The following SSBP2 variants were observed in gnomAD, a reference collection of about 807,000 sequenced individuals.
The protein encoded by SSBP2 is single stranded DNA binding protein 2.
Under a neutral mutation model 61.8 loss-of-function variants are expected in SSBP2, and 17 were observed. The ratio of observed to expected loss-of-function variants is 0.28; its 90% CI spans 0.19 to 0.41. The LOEUF (loss-of-function observed/expected upper bound fraction) is 0.41, where lower values mean the gene tolerates loss of function less well. Among genes scored for constraint, SSBP2 ranks in the 10% least tolerant of loss-of-function variants. SSBP2 has a pLI of 1.00. For synonymous variants in SSBP2, 139 were observed against 141.3 expected (o/e 0.98, Z 0.12); for missense variants, 310 against 458.7 (o/e 0.68, Z 2.96).
intron 1 of SSBP2, among the ~76,000 whole-genome samples, chr5:81,730,168 C>A (rs1374837498): frequency 6.6e-6 from 1 of 152,102 alleles, no homozygotes; most frequent in Non-Finnish European, 1.5e-5. Context: ...GTACTTTTTA[C>A]TCTATTTTTA....
intron 1 of SSBP2, among the ~76,000 whole-genome samples, chr5:81,654,751 C>G (rs1218990963): frequency 6.6e-6 from 1 of 152,112 alleles, no homozygotes; most frequent in Non-Finnish European, 1.5e-5. Flanking sequence ...ACAAATGATT[C>G]CGGCAGAGGG....
intron 3 of SSBP2, among the ~76,000 whole-genome samples, chr5:81,622,990 T>TCTCCTAAAA (rs1746760653): frequency 1.3e-5 from 2 of 152,214 alleles, no homozygotes; most frequent in African/African-American, 2.4e-5. Flanking sequence ...TCAATATTTT[T>TCTCCTAAAA]AGGAGAGTGA....
At position 81,467,015 on chromosome 5, in the gene SSBP2, T is replaced by C. The variant is rs984957101; in HGVS notation, c.597A>G (p.Pro199=). Reference sequence around the variant, plus strand: ...TTCCAGGGCCACCTAAAGCATTCAGTGGGGGTCTCATTGCACCTCCATAGT... The same window carrying C: ...TTCCAGGGCCACCTAAAGCATTCAGCGGGGGTCTCATTGCACCTCCATAGT... The change falls in exon 9 of 17, where the codon CCA becomes CCG. Residue 199 remains proline (P), a synonymous_variant. Coordinates refer to ENST00000320672, the MANE Select transcript of SSBP2 (RefSeq NM_012446.5). The C allele has an allele frequency of 6.2e-7, 1 of 1,610,464 alleles. No individual in the cohort carries two copies.
rs1748260288 is a variant in SSBP2, at chr5:81,636,618, T to C, written c.136A>G (p.Ile46Val). 6.2e-7 allele frequency: 1 copy of C among 1,608,440 alleles called. No homozygotes were observed. The stretch of plus-strand genomic sequence containing the variant: ...AATGTGATGTTTTTTTCCCATCTTA[T>C]CTAAAATGAATAAAAGAGATATTAC... The change falls in exon 3 of 17, where the codon ATA (isoleucine) becomes GTA (valine). Residue 46 changes from isoleucine (I) to valine (V), a missense_variant and splice_region_variant. This residue lies in a region of SSBP2 where 21 missense variants were observed against 59.1 expected (regional missense o/e 0.36). Transcript: ENST00000320672.
At chr5:81,733,106 A>G (rs1282183780) in intron 1 of SSBP2, among the ~76,000 whole-genome samples, 2 of 152,220 alleles carry the variant, frequency 1.3e-5, no homozygotes, top group Non-Finnish European at 2.9e-5. Context: ...GTTAAATATT[A>G]TAGCCTTCCT....
At chr5:81,568,755 T>C (rs1185811966) in intron 4 of SSBP2, among the ~76,000 whole-genome samples, 3 of 152,240 alleles carry the variant, frequency 2.0e-5, no homozygotes, top group Non-Finnish European at 2.9e-5. Context: ...TGTACATATA[T>C]GACAGAAGTT....
At chr5:81,737,713 G>A (rs1250993197) in intron 1 of SSBP2, among the ~76,000 whole-genome samples, 4 of 151,068 alleles carry the variant, frequency 2.6e-5, no homozygotes, top group Admixed American at 6.6e-5. Flanking sequence ...GCATGAACCC[G>A]GGAGACAGAC....
intron 1 of SSBP2, among the ~76,000 whole-genome samples, chr5:81,743,479 CATTT>C (rs1757163437): frequency 1.3e-5 from 2 of 152,212 alleles, no homozygotes; most frequent in African/African-American, 2.4e-5. Flanking sequence ...TTGCCTAGTA[CATTT>C]ATTTGCTTAT....
At chr5:81,432,511 C>T (rs1762355684) in intron 15 of SSBP2, among the ~76,000 whole-genome samples, 1 of 152,152 alleles carries the variant, frequency 6.6e-6, no homozygotes, top group Non-Finnish European at 1.5e-5. Flanking sequence ...CTTTGGAAGG[C>T]ACAGCCAGGC....
chr5:81,478,563 T>C (rs955858924), intron 6 of SSBP2, among the ~76,000 whole-genome samples: 1 of 152,092 alleles, frequency 6.6e-6, no homozygotes, highest in African/African-American at 2.4e-5. Context: ...GGTCTTGAAC[T>C]CCTGACCTCA....
intron 4 of SSBP2, among the ~76,000 whole-genome samples, chr5:81,614,793 C>A (rs1362341933): frequency 2.0e-5 from 3 of 152,096 alleles, no homozygotes; most frequent in Non-Finnish European, 4.4e-5. Flanking sequence ...TCTTCTCATT[C>A]TTATCTTCAC....
At chr5:81,462,646 A>C (rs1229909356) in intron 9 of SSBP2, among the ~76,000 whole-genome samples, 1 of 152,204 alleles carries the variant, frequency 6.6e-6, no homozygotes, top group Non-Finnish European at 1.5e-5. Flanking sequence ...CAGAAAAATG[A>C]TTTTACCTAT....
In SSBP2 at chr5:81,599,510, C is replaced by T. The variant is rs149674246; in HGVS notation, c.282+15963G>A. Among the ~76,000 whole-genome samples, 175 of 152,264 alleles carry T rather than the reference C, an allele frequency of 1.1e-3. 1 individual carries two copies. The highest frequency in any genetic ancestry group is 4.1e-3 in the African/African-American group (169 of 41,548). On this transcript the variant is annotated intron_variant, in intron 4 of 16. Transcript: ENST00000320672. ...GAAACAACAGACAGTAGTCACAGTC[C>T]GCTGATCCTAGAGAGAAAGAGGGAG...
intron 4 of SSBP2, among the ~76,000 whole-genome samples, chr5:81,547,559 T>C (rs556884824): frequency 9.7e-4 from 147 of 152,222 alleles, no homozygotes; most frequent in African/African-American, 3.2e-3. Flanking sequence ...CTTCAACTCC[T>C]GGGCTTGAGC....
chr5:81,474,835 T>C (rs1431615749), intron 6 of SSBP2, among the ~76,000 whole-genome samples: 2 of 152,164 alleles, frequency 1.3e-5, no homozygotes, highest in African/African-American at 2.4e-5. Context: ...AACTGTCCTA[T>C]TTCTTCCTGA....
rs956962631 is a variant in SSBP2 at position 81,412,970 on chromosome 5, T to C, written c.*7534A>G. The C allele has an allele frequency of 4.6e-5, 7 of 152,184 alleles. No homozygotes were observed. The highest frequency in any genetic ancestry group is 1.7e-4 in the African/African-American group (7 of 41,462). The allele number at this position is 152,184 out of a possible 1,614,324, so 9.4% of individuals were successfully genotyped here. A position where few individuals can be genotyped will look rare whatever the true frequency, so the allele number is the denominator to read the frequency against. ...ATATAGATCCTTTGATATTAGAACC[T>C]CCTGAATTTTATATAAGGCATAATG... On this transcript the variant is annotated 3_prime_UTR_variant, in exon 17 of 17. Coordinates refer to ENST00000320672, the MANE Select transcript of SSBP2 (RefSeq NM_012446.5).
At chr5:81,691,308 A>C (rs1171310164) in intron 1 of SSBP2, among the ~76,000 whole-genome samples, 2 of 152,054 alleles carry the variant, frequency 1.3e-5, no homozygotes, top group African/African-American at 4.8e-5. Context: ...AAATCAATAA[A>C]CCTTTACCCA....
intron 4 of SSBP2, among the ~76,000 whole-genome samples, chr5:81,543,795 G>A (rs1438491401): frequency 2.0e-5 from 3 of 152,130 alleles, no homozygotes; most frequent in Non-Finnish European, 4.4e-5. Context: ...ACAAATAAAT[G>A]TCATTTAAAA....
chr5:81,679,666 G>A (rs1417192494), intron 1 of SSBP2, among the ~76,000 whole-genome samples: 1 of 152,154 alleles, frequency 6.6e-6, no homozygotes, highest in Admixed American at 6.6e-5. Flanking sequence ...ACAAGTATGT[G>A]AGGCAAAAAT....
Sources: gnomAD v4.1 joint callset for allele counts (sites outside exome capture counted in the v4.1 genomes callset) on GRCh38, gnomAD v4.1.1 for gene constraint, gnomAD v4.1.1 regional missense constraint, MANE v1.5 for transcripts, NCBI Gene and HGNC (gene_info 2026-07-23, HGNC 2026-07-21) for gene names.